C12orf75: variants seen among roughly 807,000 people sequenced by gnomAD.
The protein encoded by C12orf75 is overexpressed in colon carcinoma 1 protein.
C12orf75 carries 4 observed loss-of-function variants against 11.4 expected under a neutral mutation model. That is an observed-to-expected ratio of 0.35 (90% CI 0.17 to 0.80). C12orf75 has a LOEUF of 0.80. Among genes scored for constraint, C12orf75 ranks in the 30% least tolerant of loss-of-function variants. The pLI is 0.52. For missense variants in C12orf75, 89 were observed against 80.4 expected (o/e 1.11, Z -0.41); for synonymous variants, 30 against 30.0 (o/e 1.00, Z 0.00).
At chr12:105,359,382 C>G (rs1892828154) in intron 2 of C12orf75, among the ~76,000 whole-genome samples, 1 of 152,150 alleles carries the variant, frequency 6.6e-6, no homozygotes, top group South Asian at 2.1e-4. Flanking sequence ...AGTTGCTTCT[C>G]TCCCATTTTC....
intron 2 of C12orf75, among the ~76,000 whole-genome samples, chr12:105,355,603 A>G (rs1321370184): frequency 6.6e-6 from 1 of 152,154 alleles, no homozygotes; most frequent in East Asian, 1.9e-4. Context: ...TCTGAGTGAA[A>G]ATGAAATGGC....
intron 1 of C12orf75, among the ~76,000 whole-genome samples, chr12:105,333,553 G>A (rs996473719): frequency 1.3e-5 from 2 of 152,188 alleles, no homozygotes; most frequent in Non-Finnish European, 2.9e-5. Flanking sequence ...AGAGATTGTA[G>A]AAAGGGTGCT....
At chr12:105,344,572 GTC>G (rs949074356) in intron 1 of C12orf75, among the ~76,000 whole-genome samples, 1 of 152,076 alleles carries the variant, frequency 6.6e-6, no homozygotes, top group African/African-American at 2.4e-5. Flanking sequence ...GAGAAACCCT[GTC>G]TCTACTAAAA....
At chr12:105,357,801 TGTGTGTGAGA>T (rs956268101) in intron 2 of C12orf75, among the ~76,000 whole-genome samples, 2 of 146,060 alleles carry the variant, frequency 1.4e-5, no homozygotes, top group African/African-American at 5.2e-5. Context: ...TGTGTGTGTG[TGTGTGTGAGA>T]GAGAGAGAGA....
intron 2 of C12orf75, among the ~76,000 whole-genome samples, chr12:105,352,851 A>C (rs1184990454): frequency 2.0e-5 from 3 of 152,224 alleles, no homozygotes; most frequent in Non-Finnish European, 4.4e-5. Flanking sequence ...CTTAATCACC[A>C]TAAGAAAAAG....
chr12:105,360,271 C>T (rs1566141592), intron 2 of C12orf75, among the ~76,000 whole-genome samples: 3 of 152,240 alleles, frequency 2.0e-5, no homozygotes, highest in Non-Finnish European at 4.4e-5. Flanking sequence ...TCAGCAATCA[C>T]GGCTGCAGAG....
At chr12:105,341,308 T>C (rs926005125) in intron 1 of C12orf75, among the ~76,000 whole-genome samples, 14 of 152,146 alleles carry the variant, frequency 9.2e-5, no homozygotes, top group African/African-American at 3.1e-4. Context: ...GAGGTTTTTT[T>C]TTTCCCCCGT....
At chr12:105,351,257 AT>A (rs1892710470) in intron 2 of C12orf75, among the ~76,000 whole-genome samples, 4 of 152,284 alleles carry the variant, frequency 2.6e-5, no homozygotes, top group African/African-American at 7.2e-5. Flanking sequence ...AAACAGACTG[AT>A]TCCCAAACCA....
chr12:105,367,031 T>C (rs1360684178), intron 4 of C12orf75, among the ~76,000 whole-genome samples: 1 of 152,226 alleles, frequency 6.6e-6, no homozygotes, highest in Non-Finnish European at 1.5e-5. Flanking sequence ...TTCTGTAATA[T>C]AAGATGACTG....
chr12:105,353,918 TGG>T (rs1443352376), intron 2 of C12orf75, among the ~76,000 whole-genome samples: 7 of 152,238 alleles, frequency 4.6e-5, no homozygotes, highest in South Asian at 2.1e-4. Flanking sequence ...AAAAATATTT[TGG>T]AATGAAATGA....
chr12:105,358,073 C>G (rs1417156776), intron 2 of C12orf75, among the ~76,000 whole-genome samples: 2 of 152,072 alleles, frequency 1.3e-5, no homozygotes, highest in East Asian at 1.9e-4. Context: ...ATCTTGAACT[C>G]CTGGGCTCAA....
chr12:105,357,391 A>G (rs997143602), intron 2 of C12orf75, among the ~76,000 whole-genome samples: 1 of 152,086 alleles, frequency 6.6e-6, no homozygotes, highest in African/African-American at 2.4e-5. Flanking sequence ...TTTTTCTTGC[A>G]TGCCGAGTGT....
intron 1 of C12orf75, among the ~76,000 whole-genome samples, chr12:105,338,482 G>T (rs1481152445): frequency 1.3e-5 from 2 of 152,034 alleles, no homozygotes; most frequent in African/African-American, 2.4e-5. Context: ...CCATTTTTTG[G>T]TTTTTACTTG....
chr12:105,360,983 C>T (rs1892857079), intron 2 of C12orf75, among the ~76,000 whole-genome samples: 1 of 152,122 alleles, frequency 6.6e-6, no homozygotes, highest in Non-Finnish European at 1.5e-5. Context: ...TTCATGTTGG[C>T]CAGGCTGGTC....
intron 2 of C12orf75, among the ~76,000 whole-genome samples, chr12:105,361,822 C>T (rs908633351): frequency 6.6e-6 from 1 of 152,214 alleles, no homozygotes; most frequent in South Asian, 2.1e-4. Flanking sequence ...TGGACCTATC[C>T]TTCCGCAGGA....
chr12:105,330,965 CG>C, intron 1 of C12orf75, 28 bp downstream of exon 1: 1 of 833,980 alleles, frequency 1.2e-6, no homozygotes, highest in South Asian at 6.1e-5. Flanking sequence ...CGGGGGCCGG[CG>C]GGGGCGGGCG....
intron 3 of C12orf75, chr12:105,366,288 T>C (rs1871471163): frequency 3.7e-6 from 1 of 267,180 alleles, no homozygotes; most frequent in Admixed American, 4.9e-5. Flanking sequence ...TCTGAATTAT[T>C]GATAAATGTT....
chr12:105,348,584 T>C lies in C12orf75; in HGVS notation c.47-18T>C. 2.0e-6 allele frequency: 3 copies of C among 1,523,372 alleles called. No homozygotes were observed. The highest frequency in any genetic ancestry group is 2.7e-6 in the Non-Finnish European group (3 of 1,127,250). The allele number at this position is 1,523,372 out of a possible 1,614,324, so 94.4% of individuals were successfully genotyped here. A position where few individuals can be genotyped will look rare whatever the true frequency, so the allele number is the denominator to read the frequency against. ...ATACTATCACACCAATACAAACCTA[T>C]CTTCTTTTTTTCTCTAGGCCCTGCA... On this transcript the variant is annotated intron_variant, in intron 1 of 5. Coordinates refer to ENST00000443585, the MANE Select transcript of C12orf75 (RefSeq NM_001145199.2).
chr12:105,365,695 A>G (rs1871450798), intron 2 of C12orf75, 112 bp from the exon 3 acceptor site: 3 of 740,118 alleles, frequency 4.1e-6, no homozygotes, highest in Non-Finnish European at 7.3e-6. Flanking sequence ...TCTGATGGAA[A>G]CATTTGAAAT....
Sources: allele counts gnomAD v4.1 joint callset (sites outside exome capture counted in the v4.1 genomes callset), GRCh38; gene constraint gnomAD v4.1.1; transcripts MANE v1.5; gene names NCBI Gene and HGNC (gene_info 2026-07-23, HGNC 2026-07-21).